The following ERCC1 variants were observed in gnomAD, a reference collection of about 807,000 sequenced individuals.
ERCC1 encodes ERCC excision repair 1, endonuclease non-catalytic subunit.
Under a neutral mutation model 37.6 loss-of-function variants are expected in ERCC1, and 36 were observed. That is an observed-to-expected ratio of 0.96 (90% CI 0.73 to 1.26). ERCC1 has a LOEUF of 1.26. Ranked by LOEUF, ERCC1 falls within the 50% of genes most tolerant of loss-of-function variation. The pLI, the probability that ERCC1 is intolerant of heterozygous loss-of-function variation, is 0.00. For missense variants in ERCC1, 349 were observed against 376.5 expected (o/e 0.93, Z 0.60); for synonymous variants, 156 against 162.1 (o/e 0.96, Z 0.28).
intron 1 of ERCC1, among the ~76,000 whole-genome samples, chr19:45,444,725 G>A (rs921193423): frequency 2.0e-5 from 3 of 152,318 alleles, no homozygotes; most frequent in African/African-American, 7.2e-5. Flanking sequence ...AACAAGGACG[G>A]GGCCCAGAAA....
chr19:45,437,206 G>A (rs562133827), intron 1 of ERCC1, among the ~76,000 whole-genome samples: 14 of 152,182 alleles, frequency 9.2e-5, no homozygotes, highest in East Asian at 3.9e-4. Context: ...CCTTGATCAC[G>A]CCACTGCACT....
intron 1 of ERCC1, chr19:45,429,077 G>A (rs1275526521): frequency 1.3e-5 from 2 of 152,292 alleles, no homozygotes; most frequent in Non-Finnish European, 2.9e-5. Context: ...CTCCGCTGGA[G>A]AGGCTGTGGA....
chr19:45,449,508 ATAAAAAT>A (rs1419436196), intron 1 of ERCC1, among the ~76,000 whole-genome samples: 1 of 152,224 alleles, frequency 6.6e-6, no homozygotes, highest in African/African-American at 2.4e-5. Context: ...ACAAAAAATA[ATAAAAAT>A]TAAAAATTAA....
chr19:45,444,825 G>T (rs1156824728), intron 1 of ERCC1, among the ~76,000 whole-genome samples: 3 of 152,138 alleles, frequency 2.0e-5, no homozygotes, highest in Non-Finnish European at 4.4e-5. Flanking sequence ...TTAGTCCTCA[G>T]GACCTTTGCA....
upstream of ERCC1, among the ~76,000 whole-genome samples, chr19:45,428,024 T>C (rs1220148565): frequency 6.6e-6 from 1 of 151,930 alleles, no homozygotes; most frequent in Non-Finnish European, 1.5e-5. Context: ...AGTTGGCAAG[T>C]TGGATGTTGG....
chr19:45,441,701 G>A (rs1207954057), intron 1 of ERCC1, among the ~76,000 whole-genome samples: 2 of 143,384 alleles, frequency 1.4e-5, no homozygotes, highest in Non-Finnish European at 3.0e-5. Flanking sequence ...TTTCTGAGAC[G>A]GAGTCTTGCT....
upstream of ERCC1, among the ~76,000 whole-genome samples, chr19:45,427,800 T>C (rs890166850): frequency 2.8e-4 from 43 of 152,126 alleles, no homozygotes; most frequent in African/African-American, 9.9e-4. Flanking sequence ...CACAAGAGGA[T>C]TGGAAGTGTT....
intron 1 of ERCC1, 137 bp downstream of exon 1, chr19:45,423,644 C>G: frequency 7.6e-7 from 1 of 1,309,010 alleles, no homozygotes; most frequent in South Asian, 1.8e-5. Context: ...CCCCACCATC[C>G]CCCGCCTTCC....
At chr19:45,415,851 G>GGT (rs1568580613) in intron 6 of ERCC1, 1 of 453,672 alleles carries the variant, frequency 2.2e-6, no homozygotes, top group Non-Finnish European at 4.4e-6. Context: ...TGTAAAGTGG[G>GGT]GTGGTCAGGC....
chr19:45,415,656 A>C (rs894256125), intron 6 of ERCC1, among the ~76,000 whole-genome samples: 136 of 151,718 alleles, frequency 9.0e-4, no homozygotes, highest in Non-Finnish European at 1.6e-3. Context: ...AAAAAAAAAA[A>C]AACAATTGTG....
chr19:45,441,518 C>T (rs922684030), intron 1 of ERCC1, among the ~76,000 whole-genome samples: 7 of 152,100 alleles, frequency 4.6e-5, no homozygotes, highest in African/African-American at 1.7e-4. Flanking sequence ...GGATTACAGG[C>T]GCCTGCTACC....
intron 1 of ERCC1, chr19:45,449,346 T>A (rs1445953458): frequency 6.6e-6 from 1 of 152,140 alleles, no homozygotes; most frequent in African/African-American, 2.4e-5. Context: ...ACAAACACCG[T>A]CTTATGTATT....
chr19:45,423,722 C>G, intron 1 of ERCC1, 59 bp downstream of exon 1: 3 of 1,178,330 alleles, frequency 2.5e-6, no homozygotes, highest in Middle Eastern at 3.6e-4. Flanking sequence ...ATCTCTCAGA[C>G]TCGGCAATGA....
Position 45,420,453 on chromosome 19 carries a change from C to T in ERCC1, c.322-26G>A, listed in dbSNP as rs1251736223. ...CTGGGGAGGGACGAAGGGCAGAAGC[C>T]ATCAATAGGGATGACCCTTGATAAC... is the stretch of plus-strand genomic sequence containing the variant. On this transcript the variant is annotated intron_variant, in intron 3 of 9. Transcript: ENST00000300853. This position sits in a 1 kb window ranked among gnomAD's most constrained non-coding sequence, Gnocchi z 4.8. The T allele has an allele frequency of 2.0e-6, 3 of 1,466,632 alleles. No homozygotes were observed. Among genetic ancestry groups the T allele is most frequent in the Non-Finnish European group, 2.9e-6 (3 of 1,050,468 alleles). The allele number at this position is 1,466,632 out of a possible 1,614,324, so 90.9% of individuals were successfully genotyped here.
intron 9 of ERCC1, chr19:45,410,337 C>A (rs887306207): frequency 6.6e-6 from 1 of 152,040 alleles, no homozygotes; most frequent in Non-Finnish European, 1.5e-5. Flanking sequence ...GTGCCCACCA[C>A]TATACCCGGC....
intron 2 of ERCC1, among the ~76,000 whole-genome samples, chr19:45,421,710 T>G (rs1381513312): frequency 6.6e-6 from 1 of 151,208 alleles, no homozygotes; most frequent in Non-Finnish European, 1.5e-5. Context: ...CTCGGCTCAC[T>G]GCAACCTCCG....
intron 4 of ERCC1, 37 bp from the exon 5 acceptor site, chr19:45,419,234 G>T: frequency 7.2e-7 from 1 of 1,389,424 alleles, no homozygotes; most frequent in Non-Finnish European, 1.0e-6. Context: ...AGAGGTCTCA[G>T]TCTCTTCAAG....
intron 1 of ERCC1, 95 bp from the exon 2 acceptor site, chr19:45,423,476 C>T (rs1974566932): frequency 6.6e-7 from 1 of 1,516,866 alleles, no homozygotes; most frequent in Non-Finnish European, 8.8e-7. Context: ...CCCCACAAAA[C>T]TCCGAGAGCT....
intron 1 of ERCC1, chr19:45,449,375 C>T (rs1006122603): frequency 2.0e-5 from 3 of 152,250 alleles, no homozygotes; most frequent in Non-Finnish European, 4.4e-5. Context: ...CAGTGAGGAG[C>T]TGGACGCTGT....
Sources: allele counts gnomAD v4.1 joint callset (sites outside exome capture counted in the v4.1 genomes callset), GRCh38; gene constraint gnomAD v4.1.1; non-coding constraint Gnocchi (gnomAD v3.1); transcripts MANE v1.5; gene names NCBI Gene and HGNC (gene_info 2026-07-23, HGNC 2026-07-21).